Variants in VCAM1 observed in about 807,000 individuals in gnomAD.
VCAM1 encodes vascular cell adhesion molecule 1, also known as vascular cell adhesion protein 1.
Under a neutral mutation model 63.8 loss-of-function variants are expected in VCAM1, and 41 were observed. That is an observed-to-expected ratio of 0.64 (90% CI 0.50 to 0.83). The LOEUF is 0.83. Among genes scored for constraint, VCAM1 ranks in the 40% least tolerant of loss-of-function variants. The pLI, the probability that VCAM1 is intolerant of heterozygous loss-of-function variation, is 0.00. For synonymous variants in VCAM1, 338 were observed against 320.7 expected (o/e 1.05, Z -0.58); for missense variants, 798 against 875.5 (o/e 0.91, Z 1.12).
chr1:100,737,663 A>G (rs1660703519), intron 8 of VCAM1: 1 of 152,306 alleles, frequency 6.6e-6, no homozygotes, highest in African/African-American at 2.4e-5. Flanking sequence ...GCATTTAGCT[A>G]TAATGGTCAC....
At position 100,723,269 on chromosome 1, in the gene VCAM1, C is replaced by G. The variant is rs1426631661; in HGVS notation, c.590C>G (p.Ala197Gly). ...ATTGGAAAAGTTCTTGTTTGCCGAG[C>G]TAAATTACACATTGATGAAATGGAT... Reference protein sequence around the residue: ...EDIGKVLVCRAKLHIDEMDSV... With the variant: ...EDIGKVLVCRGKLHIDEMDSV... The change falls in exon 3 of 9, where the codon GCT (alanine) becomes GGT (glycine). Residue 197 changes from alanine to glycine, a missense_variant. By Grantham distance (60) the Ala-to-Gly change is moderately conservative. Transcript: ENST00000294728. The G allele has an allele frequency of 1.2e-6, 2 of 1,613,072 alleles. No individual in the cohort carries two copies. Among genetic ancestry groups the G allele is most frequent in the Admixed American group, 1.7e-5 (1 of 59,890 alleles).
Position 100,724,887 on chromosome 1 carries a change from C to T in VCAM1, c.925C>T (p.Gln309Ter). 6.2e-7 allele frequency: 1 copy of T among 1,611,958 alleles called. No homozygotes were observed. The change falls in exon 4 of 9, where the codon CAA (glutamine) becomes TAA (stop). Residue 309 changes from glutamine (Q) to a stop codon, truncating the protein, a stop_gained. Transcript: ENST00000294728. LOFTEE classifies it high-confidence loss of function. ...CAGAAAAGAGGTGGAATTAATTGTT[C>T]AAGGTGAGTAGAATGTGAAAAAGGA... ...KNRKEVELIV[Q>*]EKPFTVEISP...
chr1:100,723,398 A>T, intron 3 of VCAM1, 58 bp downstream of exon 3: 1 of 1,515,420 alleles, frequency 6.6e-7, no homozygotes. Flanking sequence ...GGTTGTGTAT[A>T]GCAATAAACT....
rs768525573 is a variant in VCAM1, at chr1:100,722,152, A to C, written c.341-868A>C. 9.3e-4 allele frequency among the ~76,000 whole-genome samples: 141 copies of C among 152,160 alleles called. 1 individual carries two copies. In the Middle Eastern group the frequency reaches 0.014, roughly 15 times the overall value. Reference sequence around the variant, plus strand: ...TTTGCTACACAGTTTTGAATCCACCAATATGTTACTTCATCATAATGCATA... The same window carrying C: ...TTTGCTACACAGTTTTGAATCCACCCATATGTTACTTCATCATAATGCATA... On this transcript the variant is annotated intron_variant, in intron 2 of 8. Coordinates refer to ENST00000294728, the MANE Select transcript of VCAM1 (RefSeq NM_001078.4).
chr1:100,729,026 A>G, intron 4 of VCAM1, 81 bp from the exon 5 acceptor site: 1 of 1,407,292 alleles, frequency 7.1e-7, no homozygotes, highest in Non-Finnish European at 9.4e-7. Flanking sequence ...ATCAGGAAAA[A>G]TAAAGATCAT....
At chr1:100,722,361 G>T (rs1306032129) in intron 2 of VCAM1, among the ~76,000 whole-genome samples, 2 of 151,968 alleles carry the variant, frequency 1.3e-5, no homozygotes, top group Non-Finnish European at 2.9e-5. Context: ...CCTGTCAGAG[G>T]CACCATTTTC....
intron 5 of VCAM1, 41 bp downstream of exon 5, chr1:100,729,423 G>C: frequency 7.9e-7 from 1 of 1,259,002 alleles, no homozygotes; most frequent in Non-Finnish European, 1.1e-6. Context: ...TTTTTTTTCA[G>C]TTCTATTGGA....
Position 100,732,666 on chromosome 1 carries a change from G to A in VCAM1, c.1774G>A (p.Val592Met). 1 of 1,599,812 alleles carries A rather than the reference G, an allele frequency of 6.3e-7. No homozygotes were observed. The highest frequency in any genetic ancestry group is 8.5e-7 in the Non-Finnish European group (1 of 1,174,724). ...CCAGGCTGGAAGAAGCAGAAAGGAA[G>A]TGGAATTAATTATCCAAGGTGAGCA... ...INQAGRSRKE[V>M]ELIIQVTPKD... Residue 592 changes from valine to methionine, a missense_variant, in exon 7 of 9, where the codon GTG (valine) becomes ATG (methionine). Val to Met is a conservative substitution (Grantham distance 21, BLOSUM62 1). Transcript: ENST00000294728.
In VCAM1 at chr1:100,732,633, G is replaced by A; in HGVS notation, c.1741G>A (p.Gly581Arg). The change falls in exon 7 of 9, where the codon GGA (glycine) becomes AGA (arginine). Residue 581 changes from glycine (G) to arginine (R), a missense_variant. Coordinates refer to ENST00000294728, the MANE Select transcript of VCAM1 (RefSeq NM_001078.4). ...MEDSGVYLCE[G>R]INQAGRSRKE... The stretch of plus-strand genomic sequence containing the variant: ...AGATTCTGGGGTTTATTTATGTGAA[G>A]GAATTAACCAGGCTGGAAGAAGCAG... 6.2e-7 allele frequency: 1 copy of A among 1,609,982 alleles called. No individual in the cohort carries two copies. Among genetic ancestry groups the A allele is most frequent in the Non-Finnish European group, 8.5e-7 (1 of 1,178,646 alleles).
chr1:100,720,819 T>C, intron 2 of VCAM1, 68 bp downstream of exon 2: 1 of 1,505,880 alleles, frequency 6.6e-7, no homozygotes, highest in Non-Finnish European at 8.9e-7. Flanking sequence ...AAAAATGATA[T>C]TTTAAAAAAA....
chr1:100,731,280 C>T lies in VCAM1; in HGVS notation c.1287C>T (p.Ser429=), dbSNP rs747528960. ...TCACTGTAAGCTGCAAGGTTCCTAG[C>T]GTGTACCCCCTTGACCGGCTGGAGA... ...SSVTVSCKVP[S]VYPLDRLEIE... The change falls in exon 6 of 9, where the codon AGC becomes AGT. Residue 429 remains serine (S), a synonymous_variant. Transcript: ENST00000294728. This position sits in a 1 kb window ranked among gnomAD's most constrained non-coding sequence, Gnocchi z 4.2. 48 of 1,613,768 alleles carry T rather than the reference C, an allele frequency of 3.0e-5. No homozygotes were observed. The highest frequency in any genetic ancestry group is 4.4e-5 in the South Asian group (4 of 91,084).
chr1:100,724,602 A>G lies in VCAM1; in HGVS notation c.662-22A>G, dbSNP rs760191655. On this transcript the variant is annotated intron_variant, in intron 3 of 8. Coordinates refer to ENST00000294728, the MANE Select transcript of VCAM1 (RefSeq NM_001078.4). ...CTGGGATGATGCTTAGCAATTGCTA[A>G]TATTATTTTTTGCCCTTTCAGTATC... 15 of 1,605,908 alleles carry G rather than the reference A, an allele frequency of 9.3e-6. No individual in the cohort carries two copies. The East Asian group carries it at 2.2e-4, about 24-fold the overall frequency.
At chr1:100,726,776 G>A (rs1660175067) in intron 4 of VCAM1, among the ~76,000 whole-genome samples, 1 of 152,060 alleles carries the variant, frequency 6.6e-6, no homozygotes, top group South Asian at 2.1e-4. Flanking sequence ...TACAAACTAG[G>A]AAGGAAGGAC....
At position 100,731,116 on chromosome 1, in the gene VCAM1, T is replaced by C; in HGVS notation, c.1205-82T>C. On this transcript the variant is annotated intron_variant, in intron 5 of 8. Coordinates refer to ENST00000294728, the MANE Select transcript of VCAM1 (RefSeq NM_001078.4). The surrounding 1 kb of genome is among the most constrained non-coding windows in gnomAD (Gnocchi z 4.2). ...CCAGGTGACTTAAAGCTGTCATTTT[T>C]AGGCCTTTACATTTAATAAAGCTTA... The C allele has an allele frequency of 7.2e-7, 1 of 1,387,340 alleles. No individual in the cohort carries two copies. The highest frequency in any genetic ancestry group is 9.7e-7 in the Non-Finnish European group (1 of 1,032,848). 85.9% of individuals were successfully genotyped at this position (1,387,340 alleles called of 1,614,324 possible).
In VCAM1 at chr1:100,731,499, G is replaced by A. The variant is rs147753008; in HGVS notation, c.1506G>A (p.Thr502=). Residue 502 remains threonine (T), a synonymous_variant, in exon 6 of 9, where the codon ACG becomes ACA. Transcript: ENST00000294728. This position sits in a 1 kb window ranked among gnomAD's most constrained non-coding sequence, Gnocchi z 4.2. ...MEFEPKQRQS[T]QTLYVNVAPR... ...TCGAACCCAAACAAAGGCAGAGTACGCAAACACTTTATGTCAATGGTAAGT... is the reference window on the plus strand; with the variant it reads ...TCGAACCCAAACAAAGGCAGAGTACACAAACACTTTATGTCAATGGTAAGT... 4.3e-4 allele frequency: 696 copies of A among 1,612,738 alleles called. No individual in the cohort carries two copies. The highest frequency in any genetic ancestry group is 5.1e-4 in the Non-Finnish European group (603 of 1,179,598).
At chr1:100,728,690 A>C (rs1271289209) in intron 4 of VCAM1, among the ~76,000 whole-genome samples, 1 of 148,496 alleles carries the variant, frequency 6.7e-6, no homozygotes, top group Non-Finnish European at 1.5e-5. Context: ...ACTAGTGTAC[A>C]AAATTGTTGT....
At chr1:100,729,018 C>G in intron 4 of VCAM1, 89 bp from the exon 5 acceptor site, 2 of 1,380,056 alleles carry the variant, frequency 1.4e-6, no homozygotes, top group South Asian at 4.0e-5. Context: ...GAAAGGAGAT[C>G]AGGAAAAATA....
In VCAM1 at chr1:100,732,563, T is replaced by G. The variant is rs765747459; in HGVS notation, c.1671T>G (p.Pro557=). ...SRQLPNGELQ[P]LSENATLTLI... ...AGCTCCCTAACGGGGAGCTACAGCC[T>G]CTTTCTGAGAATGCAACTCTCACCT... Residue 557 remains proline, a synonymous_variant, in exon 7 of 9, where the codon CCT becomes CCG. Transcript: ENST00000294728. 7.4e-6 allele frequency: 12 copies of G among 1,613,426 alleles called. 1 individual carries two copies. The South Asian group carries it at 1.2e-4, about 16-fold the overall frequency.
Position 100,731,209 on chromosome 1 carries a change from G to C in VCAM1, c.1216G>C (p.Asp406His). The C allele has an allele frequency of 1.2e-6, 2 of 1,602,050 alleles. No homozygotes were observed. Among genetic ancestry groups the C allele is most frequent in the Admixed American group, 1.7e-5 (1 of 58,122 alleles). ...CTTGCGATTTGCAGCATTCCCTAGAGATCCAGAAATCGAGATGAGTGGTGG... is the reference window on the plus strand; with the variant it reads ...CTTGCGATTTGCAGCATTCCCTAGACATCCAGAAATCGAGATGAGTGGTGG... The part of the protein sequence containing the change: ...IQVELYSFPR[D>H]PEIEMSGGLV... The change falls in exon 6 of 9, where the codon GAT (aspartate) becomes CAT (histidine). Residue 406 changes from aspartate (D) to histidine (H), a missense_variant. Transcript: ENST00000294728. This position sits in a 1 kb window ranked among gnomAD's most constrained non-coding sequence, Gnocchi z 4.2.
Sources: gnomAD v4.1 joint callset for allele counts (sites outside exome capture counted in the v4.1 genomes callset) on GRCh38, gnomAD v4.1.1 for gene constraint, Gnocchi (gnomAD v3.1) non-coding constraint, MANE v1.5 for transcripts, NCBI Gene and HGNC (gene_info 2026-07-23, HGNC 2026-07-21) for gene names.